Variants in PRIM2 observed in about 807,000 individuals in gnomAD.
PRIM2 encodes DNA primase subunit 2, also known as DNA primase large subunit.
In PRIM2, 39 loss-of-function variants were observed where a neutral mutation model predicts 67.3. That is an observed-to-expected ratio of 0.58 (90% CI 0.45 to 0.76). The LOEUF (loss-of-function observed/expected upper bound fraction) is 0.76. PRIM2 is among the 30% of genes least tolerant of loss of function. The pLI is 0.00. For missense variants in PRIM2, 398 were observed against 598.7 expected, an observed-to-expected ratio of 0.66 and a Z score of 3.50; for synonymous variants, 143 against 198.7, an observed-to-expected ratio of 0.72 and a Z score of 2.36.
chr6:57,310,599 C>T (rs553683210), upstream of PRIM2, among the ~76,000 whole-genome samples: 118 of 151,958 alleles, frequency 7.8e-4, no homozygotes, highest in South Asian at 3.9e-3. Context: ...CCAGATGGGG[C>T]GGCCGGGCAG....
chr6:57,557,778 A>G (rs1239435854), intron 10 of PRIM2, among the ~76,000 whole-genome samples: 2 of 152,218 alleles, frequency 1.3e-5, no homozygotes, highest in Non-Finnish European at 2.9e-5. Flanking sequence ...AGTTAAAAAA[A>G]AAAAAGAAAA....
intron 5 of PRIM2, among the ~76,000 whole-genome samples, chr6:57,374,304 T>TTTA (rs1491303703): frequency 4.9e-4 from 60 of 123,322 alleles, no homozygotes; most frequent in African/African-American, 1.9e-3. Flanking sequence ...TATTTATTTA[T>TTTA]TTTTTTTGAG....
chr6:57,227,641 C>CAAAAAAAAA, the PRIM2 span, among the ~76,000 whole-genome samples: 1 of 84,076 alleles, frequency 1.2e-5, no homozygotes, highest in Non-Finnish European at 2.3e-5. Context: ...GAGACCATCT[C>CAAAAAAAAA]AAAAAAAAAA....
intron 7 of PRIM2, among the ~76,000 whole-genome samples, chr6:57,457,181 G>T: frequency 6.6e-6 from 1 of 152,212 alleles, no homozygotes; most frequent in Non-Finnish European, 1.5e-5. Flanking sequence ...GGCTGTGTGA[G>T]GTGTCAGTCT....
rs13201035 is a variant in PRIM2 at position 57,429,142 on chromosome 6, G to T, written c.693+46974G>T. 1.2e-3 allele frequency among the ~76,000 whole-genome samples: 189 copies of T among 152,292 alleles called. 5 individuals carry two copies. In the East Asian group the frequency reaches 0.016, roughly 13 times the overall value. ...AGAAAAAACTTATTTAAACTCTTGT[G>T]CAAGACAGTAAGACCAGACTTAATT... On this transcript the variant is annotated intron_variant, in intron 7 of 13. Transcript: ENST00000615550.
chr6:57,577,471 C>T (rs1775985164), intron 10 of PRIM2, among the ~76,000 whole-genome samples: 1 of 150,276 alleles, frequency 6.7e-6, no homozygotes, highest in Non-Finnish European at 1.5e-5. Flanking sequence ...ACTCTGTCGC[C>T]CAGGCTGGAG....
chr6:57,348,936 G>A (rs149162096), intron 5 of PRIM2, among the ~76,000 whole-genome samples: 1 of 151,806 alleles, frequency 6.6e-6, no homozygotes, highest in East Asian at 1.9e-4. Context: ...TAGTAGAGAC[G>A]GGTTTTCACC....
chr6:57,269,177 T>C, the PRIM2 span, among the ~76,000 whole-genome samples: 2 of 151,888 alleles, frequency 1.3e-5, no homozygotes, highest in East Asian at 1.9e-4. Flanking sequence ...TCAAATGGTA[T>C]TTCTAGTTCT....
chr6:57,318,644 A>C, intron 2 of PRIM2, 45 bp downstream of exon 2: 2 of 1,439,346 alleles, frequency 1.4e-6, no homozygotes, highest in Admixed American at 2.0e-5. Context: ...TGAGAAGCTC[A>C]CTTACCCTTT....
intron 5 of PRIM2, among the ~76,000 whole-genome samples, chr6:57,355,337 GA>G (rs1223904644): frequency 1.3e-5 from 2 of 151,012 alleles, no homozygotes; most frequent in African/African-American, 2.4e-5. Context: ...TAAAAAAGAG[GA>G]AAAAAAAGAA....
intron 8 of PRIM2, among the ~76,000 whole-genome samples, chr6:57,509,062 TTTTC>T (rs1466050877): frequency 1.3e-5 from 2 of 152,050 alleles, no homozygotes; most frequent in South Asian, 2.1e-4. Context: ...TTAGTTTTCT[TTTTC>T]TTTCTTAGTA....
intron 7 of PRIM2, among the ~76,000 whole-genome samples, chr6:57,425,299 G>T (rs567708584): frequency 6.6e-6 from 1 of 152,002 alleles, no homozygotes; most frequent in Non-Finnish European, 1.5e-5. Context: ...GTGCAGTGGC[G>T]CGATCTTGGC....
intron 2 of PRIM2, 99 bp downstream of exon 2, chr6:57,318,698 C>T (rs1011230028): frequency 5.2e-6 from 5 of 966,670 alleles, no homozygotes; most frequent in Non-Finnish European, 7.7e-6. Flanking sequence ...TTCAGCAATC[C>T]ATTCAACAAG....
At chr6:57,476,005 GTGT>G (rs1167090034) in intron 7 of PRIM2, among the ~76,000 whole-genome samples, 11 of 151,946 alleles carry the variant, frequency 7.2e-5, no homozygotes, top group South Asian at 4.1e-4. Flanking sequence ...TCCTAGGTCA[GTGT>G]TGTTGTTGTT....
At chr6:57,225,892 C>G in the PRIM2 span, among the ~76,000 whole-genome samples, 26 of 152,224 alleles carry the variant, frequency 1.7e-4, no homozygotes, top group African/African-American at 5.5e-4. Flanking sequence ...ATCTACTGTT[C>G]TTCAGATTCA....
At chr6:57,424,987 C>A (rs572655240) in intron 7 of PRIM2, among the ~76,000 whole-genome samples, 9 of 151,920 alleles carry the variant, frequency 5.9e-5, no homozygotes, top group Admixed American at 3.3e-4. Context: ...TAGAGGAATA[C>A]CAAATGAATG....
chr6:57,519,707 G>C (rs1774571696), intron 8 of PRIM2, among the ~76,000 whole-genome samples: 1 of 152,184 alleles, frequency 6.6e-6, no homozygotes, highest in Non-Finnish European at 1.5e-5. Flanking sequence ...CTCCTCAGCT[G>C]ACAGGATTAA....
chr6:57,514,939 A>T lies in PRIM2; in HGVS notation c.761+7485A>T, dbSNP rs1774451530. ...AGTAGATAGTAAAGAGAGTGATAGGAAGTTTTATGAGAAGCAGTATCTGCA... is the reference window on the plus strand; with the variant it reads ...AGTAGATAGTAAAGAGAGTGATAGGTAGTTTTATGAGAAGCAGTATCTGCA... On this transcript the variant is annotated intron_variant, in intron 8 of 13. Transcript: ENST00000615550. 2.0e-5 allele frequency among the ~76,000 whole-genome samples: 3 copies of T among 152,160 alleles called. No individual in the cohort carries two copies. The South Asian group carries it at 6.2e-4, about 32-fold the overall frequency.
chr6:57,368,337 G>C (rs1385878618), intron 5 of PRIM2, among the ~76,000 whole-genome samples: 1 of 151,940 alleles, frequency 6.6e-6, no homozygotes, highest in Non-Finnish European at 1.5e-5. Flanking sequence ...GTGGCACCAG[G>C]AATCTGTAAT....
Sources: allele counts gnomAD v4.1 joint callset (sites outside exome capture counted in the v4.1 genomes callset), GRCh38; gene constraint gnomAD v4.1.1; transcripts MANE v1.5; gene names NCBI Gene and HGNC (gene_info 2026-07-23, HGNC 2026-07-21).